The following LINGO1 variants were observed in gnomAD, a reference collection of about 807,000 sequenced individuals.
LINGO1 encodes leucine-rich repeat and immunoglobulin-like domain-containing nogo receptor-interacting protein 1.
Under a neutral mutation model 37.3 loss-of-function variants are expected in LINGO1, and 11 were observed. That is an observed-to-expected ratio of 0.29 (90% CI 0.19 to 0.49). The LOEUF (loss-of-function observed/expected upper bound fraction) is 0.49, where lower values mean the gene tolerates loss of function less well. LINGO1 is among the 20% of genes least tolerant of loss of function. LINGO1 has a pLI of 0.99. For missense variants in LINGO1, 585 were observed against 878.2 expected (o/e 0.67, Z 4.22); for synonymous variants, 387 against 403.0 (o/e 0.96, Z 0.48).
intron 1 of LINGO1, among the ~76,000 whole-genome samples, chr15:77,738,553 C>T (rs954436783): frequency 1.3e-5 from 2 of 152,158 alleles, no homozygotes; most frequent in African/African-American, 4.8e-5. Flanking sequence ...CCAGTCTCTC[C>T]CAATTTTCTA....
chr15:77,752,848 T>C (rs974612805), intron 1 of LINGO1, among the ~76,000 whole-genome samples: 1 of 152,184 alleles, frequency 6.6e-6, no homozygotes, highest in African/African-American at 2.4e-5. Flanking sequence ...GCCCATTGGA[T>C]GGACTTCTCA....
chr15:77,803,851 T>G lies in LINGO1; in HGVS notation c.-457-7798A>C, dbSNP rs28655789. ...TACAGCCTGCAGATCCATGAGCCAA[T>G]TAAACCTCTTTTCTTCATAAATTAC... On this transcript the variant is annotated intron_variant, in intron 1 of 5. Coordinates refer to the LINGO1 transcript ENST00000562933. 1.5e-3 allele frequency among the ~76,000 whole-genome samples: 228 copies of G among 152,256 alleles called. 1 individual carries two copies. Among genetic ancestry groups the G allele is most frequent in the African/African-American group, 5.3e-3 (220 of 41,548 alleles).
intron 3 of LINGO1, chr15:77,667,730 T>C (rs1450925941): frequency 2.6e-5 from 4 of 152,216 alleles, no homozygotes; most frequent in Admixed American, 1.3e-4. Context: ...ATATCAATGA[T>C]GGACGTCAAT....
intron 1 of LINGO1, among the ~76,000 whole-genome samples, chr15:77,769,951 C>T (rs573411307): frequency 6.6e-6 from 1 of 152,136 alleles, no homozygotes; most frequent in Non-Finnish European, 1.5e-5. Context: ...TGTGACTTGT[C>T]CACAGAAACA....
chr15:77,807,024 C>G, intron 1 of LINGO1, among the ~76,000 whole-genome samples: 1 of 152,340 alleles, frequency 6.6e-6, no homozygotes, highest in Non-Finnish European at 1.5e-5. Context: ...TGGGCAGCCT[C>G]GGCTCCAGCC....
intron 2 of LINGO1, among the ~76,000 whole-genome samples, chr15:77,794,688 C>T (rs373020488): frequency 2.0e-5 from 3 of 150,306 alleles, no homozygotes; most frequent in Admixed American, 6.6e-5. Flanking sequence ...CCCGGGTTCA[C>T]GCCATTCTCC....
At chr15:77,814,783 A>G (rs1185212000) in intron 1 of LINGO1, among the ~76,000 whole-genome samples, 2 of 152,170 alleles carry the variant, frequency 1.3e-5, no homozygotes, top group Non-Finnish European at 2.9e-5. Context: ...TCGAGGAGCC[A>G]CTCCATACCC....
intron 2 of LINGO1, among the ~76,000 whole-genome samples, chr15:77,794,638 A>G (rs2076857764): frequency 7.0e-6 from 1 of 142,018 alleles, no homozygotes. Context: ...CCCAGGCTGG[A>G]GTGCAGTGGC....
In LINGO1 at chr15:77,760,931, TTTTTTTTTTTTTG is replaced by T. The variant is rs555935668; in HGVS notation, c.-256-25891_-256-25879del. The stretch of plus-strand genomic sequence containing the variant: ...TAATAAGTATCTTTTTTTTTTTTTT[TTTTTTTTTTTTTG>T]GAGACAAGGTCTCACTCTGTCACCC... On this transcript the variant is annotated intron_variant, in intron 1 of 3. Coordinates refer to the LINGO1 transcript ENST00000561686. Among the ~76,000 whole-genome samples, 349 of 89,510 alleles carry T rather than the reference TTTTTTTTTTTTTG, an allele frequency of 3.9e-3. 5 individuals carry two copies. The highest frequency in any genetic ancestry group is 7.3e-3 in the African/African-American group (192 of 26,372). The allele number at this position is 89,510 out of a possible 152,430, so 58.7% of individuals were successfully genotyped here. A position where few individuals can be genotyped will look rare whatever the true frequency, so the allele number is the denominator to read the frequency against.
intron 3 of LINGO1, among the ~76,000 whole-genome samples, chr15:77,653,885 A>G (rs1221441706): frequency 6.6e-6 from 1 of 152,134 alleles, no homozygotes; most frequent in African/African-American, 2.4e-5. Flanking sequence ...CCTTCAGTTC[A>G]CTGAATGTTG....
chr15:77,675,944 T>C (rs1343570380), intron 3 of LINGO1, among the ~76,000 whole-genome samples: 3 of 152,194 alleles, frequency 2.0e-5, no homozygotes, highest in Non-Finnish European at 2.9e-5. Context: ...AATTTTCTAT[T>C]CCTGGTTCCT....
Position 77,660,451 on chromosome 15 carries a change from G to C in LINGO1, c.-13+16638C>G, listed in dbSNP as rs560382841. 2.0e-5 allele frequency among the ~76,000 whole-genome samples: 3 copies of C among 152,300 alleles called. No individual in the cohort carries two copies. In the East Asian group the frequency reaches 5.8e-4, roughly 29 times the overall value. Reference sequence around the variant, plus strand: ...ATCTCATGGGAGAATGGTGAGCCCTGGGGGGAGAGCAGAGTCTCCCTTGCT... The same window carrying C: ...ATCTCATGGGAGAATGGTGAGCCCTCGGGGGAGAGCAGAGTCTCCCTTGCT... On this transcript the variant is annotated intron_variant, in intron 3 of 3. Coordinates refer to the LINGO1 transcript ENST00000559893.
At chr15:77,747,761 C>A (rs1009005594) in intron 1 of LINGO1, among the ~76,000 whole-genome samples, 2 of 152,228 alleles carry the variant, frequency 1.3e-5, no homozygotes, top group Non-Finnish European at 2.9e-5. Context: ...TGAAATGTCA[C>A]CATTAAAGGG....
chr15:77,801,150 T>G (rs2076914958), intron 1 of LINGO1, among the ~76,000 whole-genome samples: 1 of 152,220 alleles, frequency 6.6e-6, no homozygotes, highest in African/African-American at 2.4e-5. Context: ...AACCTAGTAA[T>G]TCCACTTCTG....
chr15:77,707,158 G>A (rs1003271093), intron 2 of LINGO1, among the ~76,000 whole-genome samples: 1 of 152,228 alleles, frequency 6.6e-6, no homozygotes, highest in Non-Finnish European at 1.5e-5. Context: ...GGAACAGGAT[G>A]TGCCATGTCT....
At chr15:77,753,776 C>T (rs897632352) in intron 1 of LINGO1, among the ~76,000 whole-genome samples, 2 of 152,332 alleles carry the variant, frequency 1.3e-5, no homozygotes, top group African/African-American at 4.8e-5. Context: ...AACACACACA[C>T]GATGTTTATC....
At chr15:77,694,784 T>C (rs2075661567) in intron 1 of LINGO1, among the ~76,000 whole-genome samples, 2 of 152,210 alleles carry the variant, frequency 1.3e-5, no homozygotes, top group Admixed American at 6.5e-5. Context: ...GCGTCGTTCT[T>C]ACCCCACACC....
At chr15:77,706,316 G>A (rs773805363) in intron 2 of LINGO1, among the ~76,000 whole-genome samples, 4 of 152,158 alleles carry the variant, frequency 2.6e-5, no homozygotes, top group Non-Finnish European at 4.4e-5. Context: ...CCCTGGAGTG[G>A]CCCACCTTAC....
At chr15:77,622,716 C>T (rs539343325) in intron 1 of LINGO1, among the ~76,000 whole-genome samples, 20 of 152,294 alleles carry the variant, frequency 1.3e-4, no homozygotes, top group South Asian at 2.1e-4. Context: ...GGAGTGGGGG[C>T]GCAGTGGGGC....
Sources: allele counts gnomAD v4.1 joint callset (sites outside exome capture counted in the v4.1 genomes callset), GRCh38; gene constraint gnomAD v4.1.1; transcripts MANE v1.5; gene names NCBI Gene and HGNC (gene_info 2026-07-23, HGNC 2026-07-21).